SHB: variants seen among roughly 807,000 people sequenced by gnomAD.
The protein encoded by SHB is SH2 domain containing adaptor protein B.
In SHB, 20 loss-of-function variants were observed where a neutral mutation model predicts 52.3. The ratio of observed to expected loss-of-function variants is 0.38; its 90% CI spans 0.27 to 0.56. SHB has a LOEUF of 0.56. Ranked by LOEUF, SHB falls within the 20% of genes least tolerant of loss-of-function variation. SHB has a pLI of 0.71. For synonymous variants in SHB, 397 were observed against 316.5 expected (o/e 1.25, Z -2.70); for missense variants, 825 against 723.3 (o/e 1.14, Z -1.61).
At chr9:38,022,093 A>G (rs1030221213) in intron 1 of SHB, among the ~76,000 whole-genome samples, 1 of 152,204 alleles carries the variant, frequency 6.6e-6, no homozygotes, top group Non-Finnish European at 1.5e-5. Context: ...TTTCTCACTG[A>G]TTCACCTTTA....
chr9:37,972,919 AAC>A (rs1820608903), intron 3 of SHB, among the ~76,000 whole-genome samples: 2 of 152,208 alleles, frequency 1.3e-5, no homozygotes, highest in South Asian at 4.1e-4. Context: ...ATTTTAAACA[AAC>A]TAAAGATAAA....
chr9:37,986,685 T>G (rs896293526), intron 2 of SHB, among the ~76,000 whole-genome samples: 5 of 152,204 alleles, frequency 3.3e-5, no homozygotes, highest in African/African-American at 1.2e-4. Flanking sequence ...AGCCCCCAGA[T>G]GTGGAAATGC....
rs184284442 is a variant in SHB at position 38,026,080 on chromosome 9, G to A, written c.718-9949C>T. On this transcript the variant is annotated intron_variant, in intron 1 of 5. Coordinates refer to ENST00000377707, the MANE Select transcript of SHB (RefSeq NM_003028.3). ...TCCCAAGGAAGGATCAGGAATGCCC[G>A]TGAGGCTTTCTCACGGTAACGTAAG... Among the ~76,000 whole-genome samples, 109 of 152,316 alleles carry A rather than the reference G, an allele frequency of 7.2e-4. 1 individual carries two copies. The highest frequency in any genetic ancestry group is 2.4e-3 in the African/African-American group (100 of 41,572).
chr9:38,018,163 T>C (rs1587246318), intron 1 of SHB, among the ~76,000 whole-genome samples: 1 of 152,088 alleles, frequency 6.6e-6, no homozygotes, highest in African/African-American at 2.4e-5. Flanking sequence ...GCTGGCGGGG[T>C]GGGAGAGGCA....
intron 5 of SHB, among the ~76,000 whole-genome samples, chr9:37,922,086 G>A (rs1832188417): frequency 6.6e-6 from 1 of 152,206 alleles, no homozygotes; most frequent in African/African-American, 2.4e-5. Context: ...TACGTTTTTG[G>A]GGTGCTGGAC....
chr9:38,054,303 C>A (rs141661640), intron 1 of SHB, among the ~76,000 whole-genome samples: 7 of 152,314 alleles, frequency 4.6e-5, no homozygotes, highest in African/African-American at 7.2e-5. Context: ...AATGCCCAAC[C>A]CTGACATCAC....
intron 1 of SHB, among the ~76,000 whole-genome samples, chr9:38,039,716 T>A (rs1383395382): frequency 6.6e-6 from 1 of 152,234 alleles, no homozygotes; most frequent in African/African-American, 2.4e-5. Context: ...ATATAAGAAG[T>A]ACCTCAGGGA....
Position 38,011,774 on chromosome 9 carries a change from G to A in SHB, c.838+4237C>T, listed in dbSNP as rs184879881. Among the ~76,000 whole-genome samples the A allele has an allele frequency of 1.7e-3, 264 of 152,206 alleles. 1 individual carries two copies. The highest frequency in any genetic ancestry group is 8.7e-3 in the South Asian group (42 of 4,818). ...GTGGGTTTTAAAAAAAATCTCAAAA[G>A]GATTATAACTTCTTTGAGCCTCAGT... On this transcript the variant is annotated intron_variant, in intron 2 of 5. Coordinates refer to ENST00000377707, the MANE Select transcript of SHB (RefSeq NM_003028.3).
chr9:38,063,795 GTTT>G (rs5897715), intron 1 of SHB, among the ~76,000 whole-genome samples: 13 of 129,870 alleles, frequency 1.0e-4, no homozygotes, highest in African/African-American at 1.7e-4. Context: ...TTTGCTGGAT[GTTT>G]TTTTTTTTTT....
At chr9:37,920,784 A>C (rs1326826674) in intron 5 of SHB, among the ~76,000 whole-genome samples, 1 of 152,156 alleles carries the variant, frequency 6.6e-6, no homozygotes, top group Non-Finnish European at 1.5e-5. Flanking sequence ...GTAGGTACTT[A>C]GCCACCATCC....
At chr9:37,948,972 G>C (rs1012011854) in intron 4 of SHB, among the ~76,000 whole-genome samples, 1 of 152,216 alleles carries the variant, frequency 6.6e-6, no homozygotes, top group African/African-American at 2.4e-5. Context: ...CTTATGCTCT[G>C]GTGCAGGGAG....
intron 3 of SHB, among the ~76,000 whole-genome samples, chr9:37,972,480 T>C (rs918180077): frequency 6.6e-6 from 1 of 152,194 alleles, no homozygotes; most frequent in African/African-American, 2.4e-5. Context: ...CAGGTTGTCC[T>C]TGAGGACCTC....
intron 1 of SHB, among the ~76,000 whole-genome samples, chr9:38,052,368 C>T (rs1000505711): frequency 6.6e-6 from 1 of 152,212 alleles, no homozygotes; most frequent in Non-Finnish European, 1.5e-5. Flanking sequence ...GCTCAGACTC[C>T]GTGACCCCAG....
intron 2 of SHB, among the ~76,000 whole-genome samples, chr9:37,978,698 C>T (rs1412605319): frequency 6.6e-6 from 1 of 152,202 alleles, no homozygotes; most frequent in Non-Finnish European, 1.5e-5. Flanking sequence ...TATATCTACA[C>T]TGTGATGACA....
intron 5 of SHB, among the ~76,000 whole-genome samples, chr9:37,934,166 G>A (rs1336378910): frequency 6.6e-6 from 1 of 152,110 alleles, no homozygotes. Flanking sequence ...TGGGGTCTGC[G>A]GACCTCCTGA....
At chr9:38,020,305 C>G (rs1039757823) in intron 1 of SHB, among the ~76,000 whole-genome samples, 1 of 152,250 alleles carries the variant, frequency 6.6e-6, no homozygotes, top group Non-Finnish European at 1.5e-5. Context: ...GCTTGGAACG[C>G]TTGTTAAGGA....
At chr9:37,929,920 C>T (rs779996728) in intron 5 of SHB, among the ~76,000 whole-genome samples, 3 of 152,126 alleles carry the variant, frequency 2.0e-5, no homozygotes, top group Non-Finnish European at 1.5e-5. Context: ...TGGGCAACAT[C>T]GTGAGACCTC....
chr9:38,033,108 G>A (rs1441201354), intron 1 of SHB, among the ~76,000 whole-genome samples: 2 of 152,212 alleles, frequency 1.3e-5, no homozygotes, highest in South Asian at 4.1e-4. Context: ...AGCTGAATTA[G>A]AAAACCAAGC....
chr9:37,916,589 G>C lies in SHB; in HGVS notation c.*3232C>G, dbSNP rs984609670. 8.5e-5 allele frequency among the ~76,000 whole-genome samples: 13 copies of C among 152,228 alleles called. No homozygotes were observed. The highest frequency in any genetic ancestry group is 3.1e-4 in the African/African-American group (13 of 41,448). ...TCCTGCTCACTCTCAGGCCACAGAG[G>C]GGCCCCGGCCCACAGCCGCCCTGTG... is the stretch of plus-strand genomic sequence containing the variant. On this transcript the variant is annotated 3_prime_UTR_variant, in exon 6 of 6. Coordinates refer to ENST00000377707, the MANE Select transcript of SHB (RefSeq NM_003028.3).
Sources: gnomAD v4.1 joint callset for allele counts (sites outside exome capture counted in the v4.1 genomes callset) on GRCh38, gnomAD v4.1.1 for gene constraint, MANE v1.5 for transcripts, NCBI Gene and HGNC (gene_info 2026-07-23, HGNC 2026-07-21) for gene names.